COQ10B: variants seen among roughly 807,000 people sequenced by gnomAD.
COQ10B encodes the protein coenzyme Q10B.
A neutral mutation model predicts 27.6 loss-of-function variants in COQ10B; 12 were observed. That is an observed-to-expected ratio of 0.43 (90% CI 0.28 to 0.70). COQ10B has a LOEUF of 0.70. Ranked by LOEUF, COQ10B falls within the 30% of genes least tolerant of loss-of-function variation. COQ10B has a pLI of 0.17. For synonymous variants in COQ10B, 115 were observed against 103.0 expected, an observed-to-expected ratio of 1.12 and a Z score of -0.71; for missense variants, 278 against 288.7, an observed-to-expected ratio of 0.96 and a Z score of 0.27.
At chr2:197,453,955 C>T (rs2085666754) in intron 1 of COQ10B, 20 of 1,550,512 alleles carry the variant, frequency 1.3e-5, no homozygotes, top group Non-Finnish European at 1.7e-5. Flanking sequence ...CTTCCGGTCT[C>T]CTCCCCTATG....
intron 3 of COQ10B, among the ~76,000 whole-genome samples, chr2:197,468,161 C>T (rs2085844345): frequency 6.6e-6 from 1 of 151,888 alleles, no homozygotes; most frequent in African/African-American, 2.4e-5. Context: ...TCAGAGGAGG[C>T]CGGGTGTGGT....
At chr2:197,454,083 A>G in intron 1 of COQ10B, 1 of 1,551,138 alleles carries the variant, frequency 6.4e-7, no homozygotes, top group Non-Finnish European at 8.7e-7. Context: ...TCTACCTGCC[A>G]GATGGTCAGA....
At chr2:197,460,120 C>G in intron 2 of COQ10B, 39 bp downstream of exon 2, 1 of 1,463,816 alleles carries the variant, frequency 6.8e-7, no homozygotes, top group Non-Finnish European at 9.4e-7. Flanking sequence ...AGAGCATGTT[C>G]ACAATTTTCC....
chr2:197,470,160 T>A lies in COQ10B; in HGVS notation c.538T>A (p.Leu180Met). 1 of 1,606,138 alleles carries A rather than the reference T, an allele frequency of 6.2e-7. No individual in the cohort carries two copies. Among genetic ancestry groups the A allele is most frequent in the Admixed American group, 1.7e-5 (1 of 59,892 alleles). ...TCCTGGCTACCCAAGAACTTGTACCTTGGATTTTTCAGTAAGTCTCATAAA... is the reference window on the plus strand; with the variant it reads ...TCCTGGCTACCCAAGAACTTGTACCATGGATTTTTCAGTAAGTCTCATAAA... ...GLPGYPRTCT[L>M]DFSISFEFRS... The change falls in exon 4 of 5, where the codon TTG becomes ATG. Residue 180 changes from leucine to methionine, a missense_variant. Transcript: ENST00000263960.
intron 3 of COQ10B, among the ~76,000 whole-genome samples, chr2:197,468,442 CAAAAA>C (rs760008326): frequency 3.1e-5 from 2 of 63,946 alleles, no homozygotes; most frequent in African/African-American, 1.3e-4. Context: ...GACTCCGTCT[CAAAAA>C]AAAAAAAAAA....
At position 197,464,948 on chromosome 2, in the gene COQ10B, T is replaced by A. The variant is rs186606882; in HGVS notation, c.447+2217T>A. Among the ~76,000 whole-genome samples, 224 of 151,344 alleles carry A rather than the reference T, an allele frequency of 1.5e-3. 1 individual carries two copies. Among genetic ancestry groups the A allele is most frequent in the African/African-American group, 4.9e-3 (204 of 41,288 alleles). On this transcript the variant is annotated intron_variant, in intron 3 of 4. Coordinates refer to ENST00000263960, the MANE Select transcript of COQ10B (RefSeq NM_025147.5). ...GAGTGCAGTGGCGCTTCCAGTGGCG[T>A]GATCTTGGCTCACTGCAAGCTCCGC...
chr2:197,463,964 AATATATATATATATAT>A, intron 3 of COQ10B, among the ~76,000 whole-genome samples: 1 of 28,184 alleles, frequency 3.5e-5, no homozygotes, highest in Non-Finnish European at 6.1e-5. Flanking sequence ...AAAAAAAAAA[AATATATATATATATAT>A]ATATATATAT....
Position 197,460,057 on chromosome 2 carries a change from A to C in COQ10B, c.230A>C (p.Glu77Ala). 1 of 1,609,108 alleles carries C rather than the reference A, an allele frequency of 6.2e-7. No individual in the cohort carries two copies. Among genetic ancestry groups the C allele is most frequent in the Non-Finnish European group, 8.5e-7 (1 of 1,177,400 alleles). The change falls in exon 2 of 5, where the codon GAA (glutamate) becomes GCA (alanine). Residue 77 changes from glutamate (E) to alanine (A), a missense_variant. Physicochemically the swap from Glu to Ala is moderately radical, Grantham distance 107 (BLOSUM62 -1). Around this residue, in one of 3 missense-constraint regions of COQ10B, gnomAD observed 183 missense variants for 158.2 expected, o/e 1.16. Coordinates refer to ENST00000263960, the MANE Select transcript of COQ10B (RefSeq NM_025147.5). ...ITAPLINKRK[E>A]YSERRILGYS... Reference sequence around the variant, plus strand: ...GCACCATTAATAAACAAAAGGAAAGAATATTCAGAGAGAAGAATTTTAGGG... The same window carrying C: ...GCACCATTAATAAACAAAAGGAAAGCATATTCAGAGAGAAGAATTTTAGGG...
chr2:197,470,677 C>T (rs2085868178), intron 4 of COQ10B, among the ~76,000 whole-genome samples: 1 of 152,076 alleles, frequency 6.6e-6, no homozygotes, highest in Non-Finnish European at 1.5e-5. Context: ...GGCAGATCAC[C>T]TGAGGTCAGG....
chr2:197,467,647 G>A (rs1326758294), intron 3 of COQ10B, among the ~76,000 whole-genome samples: 1 of 152,146 alleles, frequency 6.6e-6, no homozygotes, highest in Non-Finnish European at 1.5e-5. Context: ...AAAGTGCTGG[G>A]ATTACAGGCA....
At chr2:197,471,183 C>T (rs1454051357) in intron 4 of COQ10B, among the ~76,000 whole-genome samples, 1 of 152,088 alleles carries the variant, frequency 6.6e-6, no homozygotes, top group Non-Finnish European at 1.5e-5. Context: ...TACTTTGTCA[C>T]CCAGATTGGA....
At chr2:197,471,133 T>C (rs1205590561) in intron 4 of COQ10B, among the ~76,000 whole-genome samples, 1 of 151,722 alleles carries the variant, frequency 6.6e-6, no homozygotes, top group African/African-American at 2.4e-5. Flanking sequence ...GCATCTAGAG[T>C]CTGGTAACTT....
chr2:197,463,964 AATATATAT>A lies in COQ10B; in HGVS notation c.447+1259_447+1266del, dbSNP rs879356506. ...AAAAAAAAAAAAAAAAAAAAAAAAAAATATATATATATATATATATATATATATATATA... is the reference window on the plus strand; with the variant it reads ...AAAAAAAAAAAAAAAAAAAAAAAAAAATATATATATATATATATATATATA... On this transcript the variant is annotated intron_variant, in intron 3 of 4. Coordinates refer to ENST00000263960, the MANE Select transcript of COQ10B (RefSeq NM_025147.5). 2.6e-3 allele frequency among the ~76,000 whole-genome samples: 74 copies of A among 28,160 alleles called. 2 individuals are homozygous for A. Among genetic ancestry groups the A allele is most frequent in the African/African-American group, 0.01 (64 of 6,282 alleles). The allele number at this position is 28,160 out of a possible 152,430, so 18.5% of individuals were successfully genotyped here. A position where few individuals can be genotyped will look rare whatever the true frequency, so the allele number is the denominator to read the frequency against.
At chr2:197,472,852 T>G (rs1046867569) in intron 4 of COQ10B, among the ~76,000 whole-genome samples, 1 of 149,888 alleles carries the variant, frequency 6.7e-6, no homozygotes, top group Non-Finnish European at 1.5e-5. Flanking sequence ...CCATCTGCCC[T>G]GTGGGTTAGG....
At chr2:197,464,445 A>G (rs2085802771) in intron 3 of COQ10B, among the ~76,000 whole-genome samples, 1 of 152,098 alleles carries the variant, frequency 6.6e-6, no homozygotes. Flanking sequence ...TGGTGCAGCT[A>G]GAAAGAAAGA....
At chr2:197,454,269 G>C in intron 1 of COQ10B, 2 of 795,558 alleles carry the variant, frequency 2.5e-6, no homozygotes, top group Non-Finnish European at 3.8e-6. Flanking sequence ...TTTGGTAGGT[G>C]GGGGTGGAGA....
intron 3 of COQ10B, among the ~76,000 whole-genome samples, chr2:197,466,272 C>T (rs2085824247): frequency 6.6e-6 from 1 of 152,204 alleles, no homozygotes; most frequent in African/African-American, 2.4e-5. Flanking sequence ...ATTCCACAGC[C>T]GTGTGCCTTT....
intron 2 of COQ10B, among the ~76,000 whole-genome samples, chr2:197,460,935 A>G (rs911567881): frequency 6.6e-6 from 1 of 152,236 alleles, no homozygotes; most frequent in African/African-American, 2.4e-5. Flanking sequence ...AATAGAGCAG[A>G]TGGTAAAGAC....
chr2:197,467,057 C>G (rs1462773063), intron 3 of COQ10B, among the ~76,000 whole-genome samples: 2 of 151,618 alleles, frequency 1.3e-5, no homozygotes, highest in Non-Finnish European at 2.9e-5. Context: ...AGCGATTCTC[C>G]TGCCTCAGCC....
Sources: allele counts gnomAD v4.1 joint callset (sites outside exome capture counted in the v4.1 genomes callset), GRCh38; gene constraint gnomAD v4.1.1; regional missense constraint gnomAD v4.1.1; transcripts MANE v1.5; gene names NCBI Gene and HGNC (gene_info 2026-07-23, HGNC 2026-07-21).